SEC22C: variants seen among roughly 807,000 people sequenced by gnomAD.
SEC22C encodes the protein vesicle-trafficking protein SEC22c.
A neutral mutation model predicts 34.7 loss-of-function variants in SEC22C; 29 were observed. The observed-to-expected ratio is 0.84, with a 90% CI of 0.62 to 1.14. The LOEUF (loss-of-function observed/expected upper bound fraction) is 1.14. Among genes scored for constraint, SEC22C ranks in the 50% most tolerant of loss-of-function variants. The pLI is 0.00. For synonymous variants in SEC22C, 117 were observed against 132.8 expected, an observed-to-expected ratio of 0.88 and a Z score of 0.82; for missense variants, 337 against 369.0, an observed-to-expected ratio of 0.91 and a Z score of 0.71.
intron 1 of SEC22C, chr3:42,590,665 A>C: frequency 1.7e-6 from 1 of 597,680 alleles, no homozygotes; most frequent in South Asian, 2.0e-5. Context: ...GCCCCAACCC[A>C]CAAGTTTCGC....
intron 1 of SEC22C, among the ~76,000 whole-genome samples, chr3:42,598,827 G>T (rs931281881): frequency 2.6e-5 from 4 of 151,188 alleles, no homozygotes; most frequent in South Asian, 2.1e-4. Context: ...GGTACTGAGG[G>T]TTGTACAACC....
chr3:42,553,002 AGCTGTCCTAGGTAAACGT>A lies in SEC22C; in HGVS notation c.*228_*245del. The stretch of plus-strand genomic sequence containing the variant: ...TCTTTCTGGATGAGCCCCCAGATCC[AGCTGTCCTAGGTAAACGT>A]GCTGAACTGGCTGGAGATCCTGCAG... On this transcript the variant is annotated 3_prime_UTR_variant, in exon 7 of 7. Coordinates refer to ENST00000264454, the MANE Select transcript of SEC22C (RefSeq NM_032970.4). 1.5e-6 allele frequency: 2 copies of A among 1,314,706 alleles called. No homozygotes were observed. The highest frequency in any genetic ancestry group is 6.4e-5 in the East Asian group (2 of 31,488). 81.4% of individuals were successfully genotyped at this position (1,314,706 alleles called of 1,614,324 possible). A position where few individuals can be genotyped will look rare whatever the true frequency, so the allele number is the denominator to read the frequency against.
intron 4 of SEC22C, among the ~76,000 whole-genome samples, chr3:42,560,889 C>G (rs976911395): frequency 2.0e-5 from 3 of 152,118 alleles, no homozygotes; most frequent in Non-Finnish European, 4.4e-5. Flanking sequence ...ATCCGCCTGA[C>G]TTGGCCTCCC....
chr3:42,591,464 G>A (rs1379307235), intron 1 of SEC22C: 7 of 1,284,272 alleles, frequency 5.5e-6, no homozygotes, highest in African/African-American at 2.9e-5. Flanking sequence ...AAGGGCCGGG[G>A]TTACAGGCGT....
chr3:42,550,047 C>A lies in SEC22C; in HGVS notation c.*3201G>T, dbSNP rs1211988847. 1 of 985,304 alleles carries A rather than the reference C, an allele frequency of 1.0e-6. No individual in the cohort carries two copies. Among genetic ancestry groups the A allele is most frequent in the Non-Finnish European group, 1.2e-6 (1 of 829,944 alleles). The allele number at this position is 985,304 out of a possible 1,614,324, so 61.0% of individuals were successfully genotyped here. On this transcript the variant is annotated 3_prime_UTR_variant, in exon 7 of 7. Transcript: ENST00000264454. ...GTAAGACTAGCCTAACAGGGGAAAA[C>A]AGATTTACATGTTTCGTTCATTAGC...
At chr3:42,581,224 A>G (rs1704321823) in intron 1 of SEC22C, 1 of 152,136 alleles carries the variant, frequency 6.6e-6, no homozygotes. Flanking sequence ...GTTGGTTCTG[A>G]GCTGTATTTT....
intron 2 of SEC22C, 30 bp from the exon 3 acceptor site, chr3:42,563,716 C>T: frequency 6.2e-7 from 1 of 1,612,774 alleles, no homozygotes; most frequent in Non-Finnish European, 8.5e-7. Flanking sequence ...TCTGTATTAC[C>T]AGGAAACAGC....
chr3:42,553,632 G>A (rs998586996), intron 6 of SEC22C, among the ~76,000 whole-genome samples, 184 bp from the exon 7 acceptor site: 2 of 152,310 alleles, frequency 1.3e-5, no homozygotes, highest in Admixed American at 1.3e-4. Flanking sequence ...ACGAAAGTGA[G>A]GATTTGGAAG....
intron 3 of SEC22C, among the ~76,000 whole-genome samples, chr3:42,563,102 G>A (rs1703019845): frequency 6.6e-6 from 1 of 152,218 alleles, no homozygotes; most frequent in Admixed American, 6.5e-5. Flanking sequence ...ATTTTAGGTT[G>A]GTGGCTACAT....
rs531699923 is a variant in SEC22C, at chr3:42,553,099, T to C, written c.*149A>G. 1.2e-5 allele frequency: 18 copies of C among 1,446,800 alleles called. No individual in the cohort carries two copies. In the East Asian group the frequency reaches 4.5e-4, roughly 36 times the overall value. The allele number at this position is 1,446,800 out of a possible 1,614,324, so 89.6% of individuals were successfully genotyped here. ...TATCAAGCAACCTCATGACTTCCAC[T>C]GCAACTGTTTAACATCCCCAATTCC... On this transcript the variant is annotated 3_prime_UTR_variant, in exon 7 of 7. Coordinates refer to ENST00000264454, the MANE Select transcript of SEC22C (RefSeq NM_032970.4).
Position 42,548,733 on chromosome 3 carries a change from A to T in SEC22C, c.*4515T>A, listed in dbSNP as rs1702102773. On this transcript the variant is annotated 3_prime_UTR_variant, in exon 7 of 7. Transcript: ENST00000264454. ...GAAAGGCAGGTCCAGGGTGGGAAGAAGAGGGGCTGCTACCTTTTGGAGTGA... is the reference window on the plus strand; with the variant it reads ...GAAAGGCAGGTCCAGGGTGGGAAGATGAGGGGCTGCTACCTTTTGGAGTGA... 8.1e-6 allele frequency: 13 copies of T among 1,608,008 alleles called. No individual in the cohort carries two copies. Among genetic ancestry groups the T allele is most frequent in the Admixed American group, 3.4e-5 (2 of 59,488 alleles).
chr3:42,591,201 C>T (rs3901196), intron 1 of SEC22C: 44 of 489,006 alleles, frequency 9.0e-5, no homozygotes, highest in East Asian at 6.5e-4. Context: ...CCTTTCTCTC[C>T]TTTTTTTTTT....
At chr3:42,564,903 G>A (rs1041848942) in intron 2 of SEC22C, among the ~76,000 whole-genome samples, 10 of 152,084 alleles carry the variant, frequency 6.6e-5, no homozygotes, top group South Asian at 4.1e-4. Context: ...GACTACAGGC[G>A]TGTGCCACCA....
intron 1 of SEC22C, among the ~76,000 whole-genome samples, chr3:42,577,011 G>C (rs1704007789): frequency 6.6e-6 from 1 of 152,228 alleles, no homozygotes; most frequent in East Asian, 1.9e-4. Flanking sequence ...AAGTGCAAAA[G>C]TAATTTAAGG....
At chr3:42,591,489 G>A in intron 1 of SEC22C, 3 of 1,542,744 alleles carry the variant, frequency 1.9e-6, no homozygotes, top group Non-Finnish European at 1.8e-6. Flanking sequence ...CACTGCGCCC[G>A]GCCTGCACTG....
chr3:42,561,543 T>G (rs1702910067), intron 3 of SEC22C, among the ~76,000 whole-genome samples: 1 of 152,074 alleles, frequency 6.6e-6, no homozygotes, highest in Admixed American at 6.5e-5. Flanking sequence ...ACCTGGCTAA[T>G]TTTTTTCATT....
At position 42,551,582 on chromosome 3, in the gene SEC22C, C is replaced by T; in HGVS notation, c.*1666G>A. 1.5e-6 allele frequency: 1 copy of T among 657,150 alleles called. No homozygotes were observed. Among genetic ancestry groups the T allele is most frequent in the Non-Finnish European group, 1.9e-6 (1 of 530,500 alleles). 40.7% of individuals were successfully genotyped at this position (657,150 alleles called of 1,614,324 possible). A position where few individuals can be genotyped will look rare whatever the true frequency, so the allele number is the denominator to read the frequency against. On this transcript the variant is annotated 3_prime_UTR_variant, in exon 7 of 7. Transcript: ENST00000264454. ...CAAACTACTGGCCTCAACCGAGTCT[C>T]CTGCTTTGGCCTTCCAAAGTGCTGG...
In SEC22C at chr3:42,551,737, A is replaced by T; in HGVS notation, c.*1511T>A. The T allele has an allele frequency of 3.1e-6, 3 of 964,832 alleles. No individual in the cohort carries two copies. Among genetic ancestry groups the T allele is most frequent in the Non-Finnish European group, 3.7e-6 (3 of 811,224 alleles). The allele number at this position is 964,832 out of a possible 1,614,324, so 59.8% of individuals were successfully genotyped here. On this transcript the variant is annotated 3_prime_UTR_variant, in exon 7 of 7. Coordinates refer to ENST00000264454, the MANE Select transcript of SEC22C (RefSeq NM_032970.4). ...TTCCCAACATAGTTCCCAGTATATAAACTTATTTTTCTTAAAATGATAACA... is the reference window on the plus strand; with the variant it reads ...TTCCCAACATAGTTCCCAGTATATATACTTATTTTTCTTAAAATGATAACA...
chr3:42,591,360 G>A (rs1220608121), intron 1 of SEC22C: 1 of 608,044 alleles, frequency 1.6e-6, no homozygotes, highest in Admixed American at 2.8e-5. Context: ...CGCCACTCCC[G>A]GCTAATTTTT....
Sources: gnomAD v4.1 joint callset for allele counts (sites outside exome capture counted in the v4.1 genomes callset) on GRCh38, gnomAD v4.1.1 for gene constraint, MANE v1.5 for transcripts, NCBI Gene and HGNC (gene_info 2026-07-23, HGNC 2026-07-21) for gene names.